The following SHANK2 variants were observed in gnomAD, a reference collection of about 807,000 sequenced individuals.
SHANK2 encodes the protein SH3 and multiple ankyrin repeat domains protein 2.
Under a neutral mutation model 133.7 loss-of-function variants are expected in SHANK2, and 43 were observed. The observed-to-expected ratio is 0.32, with a 90% confidence interval of 0.25 to 0.41. The LOEUF is 0.41. Ranked by LOEUF, SHANK2 falls within the 10% of genes least tolerant of loss-of-function variation. The pLI, the probability that SHANK2 is intolerant of heterozygous loss-of-function variation, is 1.00. For synonymous variants in SHANK2, 1,017 were observed against 952.8 expected (o/e 1.07, Z -1.24); for missense variants, 1,994 against 2,235.8 (o/e 0.89, Z 2.18).
At chr11:70,764,347 C>T (rs1294126798) in intron 14 of SHANK2, among the ~76,000 whole-genome samples, 1 of 149,770 alleles carries the variant, frequency 6.7e-6, no homozygotes, top group Non-Finnish European at 1.5e-5. Flanking sequence ...ATACATTCAC[C>T]CACTCACCCA....
intron 3 of SHANK2, among the ~76,000 whole-genome samples, chr11:71,121,206 C>T (rs1161718237): frequency 6.6e-6 from 1 of 152,210 alleles, no homozygotes; most frequent in African/African-American, 2.4e-5. Flanking sequence ...CTCTGATTCC[C>T]CCATGAAAAT....
intron 10 of SHANK2, among the ~76,000 whole-genome samples, chr11:70,936,532 A>G (rs1321834419): frequency 6.6e-6 from 1 of 152,166 alleles, no homozygotes; most frequent in Non-Finnish European, 1.5e-5. Context: ...AAAAGAGAGA[A>G]TTATATAAAA....
At chr11:70,684,897 C>G (rs1555019141) in intron 15 of SHANK2, among the ~76,000 whole-genome samples, 1 of 152,166 alleles carries the variant, frequency 6.6e-6, no homozygotes, top group Non-Finnish European at 1.5e-5. Flanking sequence ...CCAGAGATCC[C>G]TCTTGGCTCA....
intron 14 of SHANK2, among the ~76,000 whole-genome samples, chr11:70,730,188 G>T (rs1211167999): frequency 6.6e-6 from 1 of 152,128 alleles, no homozygotes; most frequent in Non-Finnish European, 1.5e-5. Context: ...GAGGCCCCAG[G>T]AGCTGGCACA....
At chr11:70,720,792 C>T (rs542082072) in intron 14 of SHANK2, among the ~76,000 whole-genome samples, 6 of 152,334 alleles carry the variant, frequency 3.9e-5, no homozygotes, top group South Asian at 2.1e-4. Context: ...ACAATGCACA[C>T]GTGTGCATGC....
chr11:70,656,792 C>T (rs953163877), intron 17 of SHANK2, among the ~76,000 whole-genome samples: 4 of 152,192 alleles, frequency 2.6e-5, no homozygotes, highest in Non-Finnish European at 5.9e-5. Flanking sequence ...TAGCTCAAAG[C>T]CTTTGATTGT....
chr11:70,910,376 T>C (rs1950173560), intron 10 of SHANK2, among the ~76,000 whole-genome samples: 1 of 152,136 alleles, frequency 6.6e-6, no homozygotes, highest in Admixed American at 6.6e-5. Context: ...CCTCACGTGG[T>C]CTGTTTTCAG....
chr11:71,222,112 A>G (rs1555121267), intron 2 of SHANK2, among the ~76,000 whole-genome samples: 1 of 151,798 alleles, frequency 6.6e-6, no homozygotes, highest in Non-Finnish European at 1.5e-5. Context: ...GACATCCCCA[A>G]GAGGAAAACC....
At chr11:70,498,965 G>T (rs1555157715) in intron 21 of SHANK2, among the ~76,000 whole-genome samples, 2 of 152,186 alleles carry the variant, frequency 1.3e-5, no homozygotes, top group African/African-American at 4.8e-5. Flanking sequence ...CCCATTCACA[G>T]AACTTTGGGG....
At chr11:71,225,375 A>G (rs2135745493) in intron 1 of SHANK2, among the ~76,000 whole-genome samples, 1 of 152,324 alleles carries the variant, frequency 6.6e-6, no homozygotes, top group Non-Finnish European at 1.5e-5. Context: ...GGAAGGAGCT[A>G]GCACATTCAT....
In SHANK2 at chr11:70,485,959, G is replaced by A. The variant is rs184746813; in HGVS notation, c.4334C>T (p.Thr1445Ile). 1.2e-6 allele frequency: 2 copies of A among 1,614,026 alleles called. No homozygotes were observed. The highest frequency in any genetic ancestry group is 1.7e-6 in the Non-Finnish European group (2 of 1,180,028). The change falls in exon 25 of 26, where the codon ACC becomes ATC. Residue 1445 changes from threonine (T) to isoleucine (I), a missense_variant. Around this residue, in one of 5 missense-constraint regions of SHANK2, gnomAD observed 797 missense variants for 907.4 expected, o/e 0.88. Transcript: ENST00000601538. This position sits in a 1 kb window ranked among gnomAD's most constrained non-coding sequence, Gnocchi z 5.8. ...SDLVKQKKSD[T>I]PQSPSLNSSQ... is the part of the protein sequence containing the mutation. ...GGAGTTCAACGAAGGGGACTGAGGG[G>A]TGTCGCTTTTCTTCTGCTTCACTAA... is the stretch of plus-strand genomic sequence containing the variant.
At chr11:70,509,701 G>A (rs1554968981) in intron 17 of SHANK2, among the ~76,000 whole-genome samples, 1 of 152,262 alleles carries the variant, frequency 6.6e-6, no homozygotes, top group Non-Finnish European at 1.5e-5. Context: ...CAGTGTGATG[G>A]GGTTGGGAGG....
intron 14 of SHANK2, among the ~76,000 whole-genome samples, chr11:70,747,131 C>T (rs921899303): frequency 6.6e-6 from 1 of 151,712 alleles, no homozygotes; most frequent in Non-Finnish European, 1.5e-5. Context: ...GGGGACAAGC[C>T]CGAGGTGGTA....
At chr11:70,733,301 G>A (rs1307734603) in intron 14 of SHANK2, among the ~76,000 whole-genome samples, 4 of 152,196 alleles carry the variant, frequency 2.6e-5, no homozygotes, top group Non-Finnish European at 5.9e-5. Flanking sequence ...AAAAAGTTTA[G>A]TATGTTTACA....
intron 11 of SHANK2, among the ~76,000 whole-genome samples, chr11:70,876,975 C>G (rs1217850791): frequency 6.6e-6 from 1 of 152,226 alleles, no homozygotes; most frequent in Non-Finnish European, 1.5e-5. Context: ...CCACAAGGGA[C>G]TGAGACCCGG....
chr11:71,246,589 C>G (rs1954964212), intron 1 of SHANK2, among the ~76,000 whole-genome samples: 1 of 152,152 alleles, frequency 6.6e-6, no homozygotes, highest in Non-Finnish European at 1.5e-5. Flanking sequence ...TGCAAGGACC[C>G]TTTCCACGTA....
At chr11:71,209,831 G>A (rs1954216261) in intron 2 of SHANK2, among the ~76,000 whole-genome samples, 1 of 152,132 alleles carries the variant, frequency 6.6e-6, no homozygotes, top group Non-Finnish European at 1.5e-5. Flanking sequence ...GTCTCTGCCA[G>A]ACTACATCCC....
chr11:70,760,585 T>C (rs1555039967), intron 14 of SHANK2, among the ~76,000 whole-genome samples: 1 of 152,236 alleles, frequency 6.6e-6, no homozygotes, highest in Non-Finnish European at 1.5e-5. Flanking sequence ...ATACTGGTCA[T>C]GGGTGGGGCC....
chr11:70,771,269 A>C (rs1219215351), intron 14 of SHANK2, among the ~76,000 whole-genome samples: 2 of 152,134 alleles, frequency 1.3e-5, no homozygotes, highest in African/African-American at 2.4e-5. Flanking sequence ...CCATCTCAGC[A>C]CACCATCGCG....
Sources: gnomAD v4.1 joint callset for allele counts (sites outside exome capture counted in the v4.1 genomes callset) on GRCh38, gnomAD v4.1.1 for gene constraint, gnomAD v4.1.1 regional missense constraint, Gnocchi (gnomAD v3.1) non-coding constraint, MANE v1.5 for transcripts, NCBI Gene and HGNC (gene_info 2026-07-23, HGNC 2026-07-21) for gene names.